Variants in CREBBP observed in about 807,000 individuals in gnomAD.
CREBBP encodes CREB-binding protein.
A neutral mutation model predicts 265.0 loss-of-function variants in CREBBP; 19 were observed. The ratio of observed to expected loss-of-function variants is 0.07; its 90% CI spans 0.05 to 0.11. The LOEUF is 0.11. Among genes scored for constraint, CREBBP ranks in the 10% least tolerant of loss-of-function variants. The pLI is 1.00. For synonymous variants in CREBBP, 1,457 were observed against 1,223.7 expected, an observed-to-expected ratio of 1.19 and a Z score of -3.98; for missense variants, 2,525 against 3,219.0, an observed-to-expected ratio of 0.78 and a Z score of 5.22.
intron 2 of CREBBP, among the ~76,000 whole-genome samples, chr16:3,835,383 G>A (rs924786000): frequency 2.0e-5 from 3 of 151,744 alleles, no homozygotes; most frequent in South Asian, 2.1e-4. Flanking sequence ...CCATCCTTAC[G>A]TGGCAAGCCA....
At chr16:3,822,874 G>A (rs1162079432) in intron 2 of CREBBP, among the ~76,000 whole-genome samples, 1 of 152,148 alleles carries the variant, frequency 6.6e-6, no homozygotes, top group Non-Finnish European at 1.5e-5. Flanking sequence ...AGGGAGCCAG[G>A]AGCTGGCTCA....
intron 16 of CREBBP, among the ~76,000 whole-genome samples, chr16:3,763,748 G>C (rs552123791): frequency 6.6e-6 from 1 of 152,226 alleles, no homozygotes; most frequent in Admixed American, 6.5e-5. Context: ...ACAGGTGTGA[G>C]CCACTGCGCC....
At chr16:3,733,180 G>A (rs1214744834) in intron 28 of CREBBP, among the ~76,000 whole-genome samples, 1 of 151,850 alleles carries the variant, frequency 6.6e-6, no homozygotes, top group Admixed American at 6.6e-5. Context: ...GGCTAACACG[G>A]TGAAACTCCG....
chr16:3,809,475 C>G (rs2053894899), intron 3 of CREBBP, among the ~76,000 whole-genome samples: 2 of 152,194 alleles, frequency 1.3e-5, no homozygotes, highest in African/African-American at 4.8e-5. Flanking sequence ...CACGCCCGGC[C>G]TCAACCACCT....
Position 3,780,712 on chromosome 16 carries a change from AC to A in CREBBP, c.1823+19del. ...AGGAATAAAATCAAACATCTATGAAACTGCAAAACTGTTACGTACAGTTTAT... is the reference window on the plus strand; with the variant it reads ...AGGAATAAAATCAAACATCTATGAAATGCAAAACTGTTACGTACAGTTTAT... On this transcript the variant is annotated intron_variant, in intron 8 of 30. Coordinates refer to ENST00000262367, the MANE Select transcript of CREBBP (RefSeq NM_004380.3). 1 of 1,613,446 alleles carries A rather than the reference AC, an allele frequency of 6.2e-7. No homozygotes were observed. The highest frequency in any genetic ancestry group is 8.5e-7 in the Non-Finnish European group (1 of 1,179,852).
intron 21 of CREBBP, among the ~76,000 whole-genome samples, chr16:3,748,874 G>C (rs773853237): frequency 6.6e-6 from 1 of 152,166 alleles, no homozygotes; most frequent in Non-Finnish European, 1.5e-5. Context: ...GGCCGGGCGC[G>C]GTGGCTCACG....
intron 16 of CREBBP, among the ~76,000 whole-genome samples, chr16:3,763,438 G>A (rs573612178): frequency 6.6e-6 from 1 of 152,170 alleles, no homozygotes; most frequent in East Asian, 1.9e-4. Context: ...TGGAGTTGCA[G>A]GTGTGAACCC....
intron 28 of CREBBP, among the ~76,000 whole-genome samples, chr16:3,734,878 G>C (rs1163303584): frequency 1.3e-5 from 2 of 152,184 alleles, no homozygotes; most frequent in African/African-American, 2.4e-5. Context: ...AGGCACCAGA[G>C]TGGCAGTATG....
rs2052991505 is a variant in CREBBP at position 3,770,946 on chromosome 16, A to G, written c.2504T>C (p.Met835Thr). The G allele has an allele frequency of 1.9e-6, 3 of 1,613,658 alleles. No homozygotes were observed. Among genetic ancestry groups the G allele is most frequent in the African/African-American group, 2.7e-5 (2 of 74,916 alleles). ...TAGCTGGCTGGCCTGAGGCCCCAGCATGTTGAGAGGGTTAGGAAGAGCAGC... is the reference window on the plus strand; with the variant it reads ...TAGCTGGCTGGCCTGAGGCCCCAGCGTGTTGAGAGGGTTAGGAAGAGCAGC... ...PGAALPNPLN[M>T]LGPQASQLPC... The change falls in exon 14 of 31, where the codon ATG (methionine) becomes ACG (threonine). Residue 835 changes from methionine (M) to threonine (T), a missense_variant. This residue lies in a region of CREBBP where 548 missense variants were observed against 533.0 expected (regional missense o/e 1.03). Transcript: ENST00000262367.
intron 3 of CREBBP, among the ~76,000 whole-genome samples, chr16:3,808,643 A>G (rs185019545): frequency 2.0e-3 from 303 of 152,370 alleles, no homozygotes; most frequent in African/African-American, 6.8e-3. Context: ...CCCGGAGCAC[A>G]GATTCTGTCA....
rs2151310566 is a variant in CREBBP at position 3,729,581 on chromosome 16, G to A, written c.5466C>T (p.Leu1822=). 6.2e-7 allele frequency: 1 copy of A among 1,614,216 alleles called. No homozygotes were observed. The highest frequency in any genetic ancestry group is 2.2e-5 in the East Asian group (1 of 44,878). Residue 1822 remains leucine, a synonymous_variant, in exon 31 of 31, where the codon CTC becomes CTT. Coordinates refer to ENST00000262367, the MANE Select transcript of CREBBP (RefSeq NM_004380.3). ...TNGGCPVCKQ[L]IALCCYHAKH... ...TGGCGTGGTAGCAGCAGAGGGCGATGAGCTGCTTGCACACCGGGCAGCCCC... is the reference window on the plus strand; with the variant it reads ...TGGCGTGGTAGCAGCAGAGGGCGATAAGCTGCTTGCACACCGGGCAGCCCC...
In CREBBP at chr16:3,728,404, G is replaced by C. The variant is rs548345138; in HGVS notation, c.6643C>G (p.Gln2215Glu). ...QQQQQQQQQQ[Q>E]QGSAGMAGGM... is the part of the protein sequence containing the mutation. ...CCAGCCATGCCGGCACTCCCTTGCT[G>C]CTGCTGCTGTTGCTGCTGTTGTTGC... The change falls in exon 31 of 31, where the codon CAG becomes GAG. Residue 2215 changes from glutamine (Q) to glutamate (E), a missense_variant. This residue lies in a region of CREBBP where 473 missense variants were observed against 459.3 expected (regional missense o/e 1.03). Transcript: ENST00000262367. This position sits in a 1 kb window ranked among gnomAD's most constrained non-coding sequence, Gnocchi z 8.7. 1 of 1,613,528 alleles carries C rather than the reference G, an allele frequency of 6.2e-7. No individual in the cohort carries two copies.
chr16:3,869,237 A>C (rs2055242755), intron 1 of CREBBP, among the ~76,000 whole-genome samples: 1 of 152,144 alleles, frequency 6.6e-6, no homozygotes, highest in Non-Finnish European at 1.5e-5. Flanking sequence ...CCAAGGTCAC[A>C]CCTGACTGCA....
chr16:3,754,761 T>C (rs1025480621), intron 19 of CREBBP, among the ~76,000 whole-genome samples: 6 of 152,226 alleles, frequency 3.9e-5, no homozygotes, highest in African/African-American at 1.4e-4. Flanking sequence ...GAAAATGTAA[T>C]CATACGCTCA....
chr16:3,804,488 T>G (rs1358910702), intron 3 of CREBBP, among the ~76,000 whole-genome samples: 1 of 152,174 alleles, frequency 6.6e-6, no homozygotes, highest in South Asian at 2.1e-4. Context: ...TTAGGGTGAT[T>G]TGGGCTGTGC....
rs2051710981 is a variant in CREBBP at position 3,725,186 on chromosome 16, TC to T, written c.*2531del. The stretch of plus-strand genomic sequence containing the variant: ...AGCATGAGACACAGCGTTGGGGCTT[TC>T]CAGGTTTCTTACAGAAATTTCCTTA... On this transcript the variant is annotated 3_prime_UTR_variant, in exon 31 of 31. Transcript: ENST00000262367. The T allele has an allele frequency of 1.3e-5, 3 of 233,498 alleles. No homozygotes were observed. Among genetic ancestry groups the T allele is most frequent in the Admixed American group, 5.6e-5 (1 of 17,776 alleles). 14.5% of individuals were successfully genotyped at this position (233,498 alleles called of 1,614,324 possible).
At chr16:3,744,197 C>G (rs1212485060) in intron 23 of CREBBP, among the ~76,000 whole-genome samples, 1 of 152,212 alleles carries the variant, frequency 6.6e-6, no homozygotes, top group Non-Finnish European at 1.5e-5. Flanking sequence ...ACATGCAGGC[C>G]AGGCTCCTAC....
intron 1 of CREBBP, among the ~76,000 whole-genome samples, chr16:3,872,955 G>GA (rs1482069704): frequency 6.6e-6 from 1 of 152,246 alleles, no homozygotes; most frequent in Non-Finnish European, 1.5e-5. Context: ...GGACACTCAG[G>GA]AAACAGGGGA....
intron 13 of CREBBP, 127 bp from the exon 14 acceptor site, chr16:3,771,113 G>C (rs1377554235): frequency 3.1e-6 from 3 of 979,438 alleles, no homozygotes; most frequent in African/African-American, 1.6e-5. Context: ...TTGTCGCCCA[G>C]GCTGCAATGC....
Sources: allele counts gnomAD v4.1 joint callset (sites outside exome capture counted in the v4.1 genomes callset), GRCh38; gene constraint gnomAD v4.1.1; regional missense constraint gnomAD v4.1.1; non-coding constraint Gnocchi (gnomAD v3.1); transcripts MANE v1.5; gene names NCBI Gene and HGNC (gene_info 2026-07-23, HGNC 2026-07-21).